GGA2: variants seen among roughly 807,000 people sequenced by gnomAD.
GGA2 encodes the protein ADP-ribosylation factor-binding protein GGA2.
Under a neutral mutation model 79.5 loss-of-function variants are expected in GGA2, and 48 were observed. The ratio of observed to expected loss-of-function variants is 0.60; its 90% CI spans 0.48 to 0.77. The LOEUF (loss-of-function observed/expected upper bound fraction) is 0.77, where lower values mean the gene tolerates loss of function less well. Among genes scored for constraint, GGA2 ranks in the 30% least tolerant of loss-of-function variants. The pLI, the probability that GGA2 is intolerant of heterozygous loss-of-function variation, is 0.00. For synonymous variants in GGA2, 317 were observed against 302.0 expected (o/e 1.05, Z -0.51); for missense variants, 770 against 774.0 (o/e 0.99, Z 0.06).
At chr16:23,485,103 C>T (rs952780806) in intron 8 of GGA2, among the ~76,000 whole-genome samples, 31 of 152,178 alleles carry the variant, frequency 2.0e-4, no homozygotes, top group African/African-American at 7.0e-4. Flanking sequence ...CACCTGCAAA[C>T]ATTAGGCTAC....
chr16:23,510,199 C>A (rs1965021913), intron 1 of GGA2, 122 bp downstream of exon 1: 3 of 495,876 alleles, frequency 6.0e-6, no homozygotes, highest in Non-Finnish European at 9.6e-6. Context: ...CGGGCCCAGG[C>A]CCCCTACCCG....
intron 14 of GGA2, 132 bp from the exon 15 acceptor site, chr16:23,470,297 C>T: frequency 1.7e-6 from 1 of 604,158 alleles, no homozygotes; most frequent in Non-Finnish European, 2.7e-6. Flanking sequence ...GGACTGAATT[C>T]CTCTGCACTA....
upstream of GGA2, among the ~76,000 whole-genome samples, chr16:23,512,084 C>T (rs1474155312): frequency 1.3e-5 from 2 of 152,100 alleles, no homozygotes; most frequent in Admixed American, 6.6e-5. Flanking sequence ...TGTGCCGTAC[C>T]CCTATTAACT....
At chr16:23,468,399 A>G (rs1964468827) in intron 16 of GGA2, among the ~76,000 whole-genome samples, 1 of 151,870 alleles carries the variant, frequency 6.6e-6, no homozygotes. Context: ...GATGGTCTCG[A>G]TCGCTTGATC....
intron 14 of GGA2, among the ~76,000 whole-genome samples, chr16:23,474,501 G>A (rs1433449905): frequency 6.6e-6 from 1 of 152,094 alleles, no homozygotes; most frequent in Non-Finnish European, 1.5e-5. Flanking sequence ...GGGATTACAG[G>A]CATGCACCAC....
intron 10 of GGA2, 110 bp from the exon 11 acceptor site, chr16:23,479,997 T>TCC (rs942573912): frequency 2.1e-6 from 2 of 950,230 alleles, no homozygotes; most frequent in African/African-American, 3.3e-5. Context: ...GGTAACGCCC[T>TCC]CCCTGCCCTT....
chr16:23,524,351 C>G (rs1387931077), upstream of GGA2: 1 of 1,607,064 alleles, frequency 6.2e-7, no homozygotes, highest in Non-Finnish European at 8.5e-7. Context: ...GCGATCTCCA[C>G]TGCCCGAAAC....
At chr16:23,496,076 G>A (rs1015572835) in intron 1 of GGA2, among the ~76,000 whole-genome samples, 5 of 152,100 alleles carry the variant, frequency 3.3e-5, no homozygotes, top group African/African-American at 1.2e-4. Context: ...GAGGTGGGGG[G>A]AATCATTTGA....
intron 1 of GGA2, among the ~76,000 whole-genome samples, chr16:23,506,805 C>T (rs1031616798): frequency 1.3e-5 from 2 of 152,162 alleles, no homozygotes; most frequent in African/African-American, 2.4e-5. Context: ...GTGGCACTGA[C>T]GAACTTGTTT....
chr16:23,474,635 C>A (rs914301788), intron 14 of GGA2, among the ~76,000 whole-genome samples: 1 of 151,666 alleles, frequency 6.6e-6, no homozygotes, highest in African/African-American at 2.4e-5. Context: ...TCTTCCCCCC[C>A]AAATAGAGAC....
In GGA2 at chr16:23,490,240, T is replaced by C. The variant is rs952182447; in HGVS notation, c.475+1437A>G. Among the ~76,000 whole-genome samples the C allele has an allele frequency of 3.3e-5, 5 of 152,292 alleles. No homozygotes were observed. In the South Asian group the frequency reaches 1.0e-3, roughly 32 times the overall value. ...TAGAGGAATCTGAAGTCTGATATAG[T>C]AACTACAGCAACAACAAATCTCACA... On this transcript the variant is annotated intron_variant, in intron 5 of 16. Transcript: ENST00000309859.
intron 2 of GGA2, among the ~76,000 whole-genome samples, chr16:23,516,475 C>T (rs1185806715): frequency 2.0e-5 from 3 of 152,166 alleles, no homozygotes; most frequent in African/African-American, 7.2e-5. Context: ...TTCTGTGCCT[C>T]ATTTTCCAAT....
At chr16:23,521,944 G>C (rs1033331851) in exon 1 of GGA2, 2 of 382,636 alleles carry the variant, frequency 5.2e-6, no homozygotes, top group African/African-American at 4.2e-5. Flanking sequence ...TATAACCTCG[G>C]AAGTTTTAGT....
chr16:23,478,333 C>T (rs1964602478), intron 13 of GGA2, 35 bp downstream of exon 13: 1 of 1,528,380 alleles, frequency 6.5e-7, no homozygotes, highest in Non-Finnish European at 8.8e-7. Flanking sequence ...ACTCAGGAGC[C>T]ACACTCTCCC....
chr16:23,495,058 CTT>C (rs1328992435), intron 2 of GGA2, among the ~76,000 whole-genome samples: 4 of 150,814 alleles, frequency 2.7e-5, no homozygotes, highest in African/African-American at 9.8e-5. Context: ...GCACTCCAGT[CTT>C]GAGACACTCT....
In GGA2 at chr16:23,475,056, T is replaced by G; in HGVS notation, c.1298A>C (p.Tyr433Ser). 1.9e-6 allele frequency: 3 copies of G among 1,569,756 alleles called. No homozygotes were observed. The highest frequency in any genetic ancestry group is 2.6e-6 in the Non-Finnish European group (3 of 1,160,274). The change falls in exon 14 of 17, where the codon TAT becomes TCT. Residue 433 changes from tyrosine to serine, a missense_variant. Physicochemically the swap from Tyr to Ser is moderately radical, Grantham distance 144 (BLOSUM62 -2). Coordinates refer to ENST00000309859, the MANE Select transcript of GGA2 (RefSeq NM_015044.4). ...CTTGGGGACACTTTTCTGCGAAACA[T>G]AATTCCTACAAAGAAATAAAAAATA... ...SAQPAPCPLN[Y>S]VSQKSVPKEV...
At chr16:23,485,373 A>T (rs1357687590) in intron 8 of GGA2, among the ~76,000 whole-genome samples, 1 of 152,200 alleles carries the variant, frequency 6.6e-6, no homozygotes, top group African/African-American at 2.4e-5. Context: ...TATAAAAACC[A>T]AGATCTCAAG....
chr16:23,494,405 T>G (rs1192823211), intron 2 of GGA2, 27 bp from the exon 3 acceptor site: 2 of 1,504,920 alleles, frequency 1.3e-6, no homozygotes, highest in South Asian at 1.1e-5. Flanking sequence ...AGACCTAGAC[T>G]CTGGGCGGGC....
chr16:23,524,293 C>A (rs1319518133), upstream of GGA2: 4 of 1,274,828 alleles, frequency 3.1e-6, no homozygotes, highest in Admixed American at 5.2e-5. Flanking sequence ...GGGCCCCAGG[C>A]CTCCTTCTGG....
Sources: gnomAD v4.1 joint callset for allele counts (sites outside exome capture counted in the v4.1 genomes callset) on GRCh38, gnomAD v4.1.1 for gene constraint, MANE v1.5 for transcripts, NCBI Gene and HGNC (gene_info 2026-07-23, HGNC 2026-07-21) for gene names.